Variants in PLA2G4A observed in about 807,000 individuals in gnomAD.
PLA2G4A encodes the protein phospholipase A2 group IVA.
In PLA2G4A, 40 loss-of-function variants were observed where a neutral mutation model predicts 81.9. The observed-to-expected ratio is 0.49, with a 90% CI of 0.38 to 0.64. The LOEUF (loss-of-function observed/expected upper bound fraction) is 0.64, where lower values mean the gene tolerates loss of function less well. Ranked by LOEUF, PLA2G4A falls within the 30% of genes least tolerant of loss-of-function variation. The pLI is 0.00. For missense variants in PLA2G4A, 715 were observed against 905.1 expected (o/e 0.79, Z 2.69); for synonymous variants, 302 against 296.9 (o/e 1.02, Z -0.18).
chr1:186,953,772 C>A (rs1207125405), intron 13 of PLA2G4A, among the ~76,000 whole-genome samples: 1 of 152,082 alleles, frequency 6.6e-6, no homozygotes, highest in Non-Finnish European at 1.5e-5. Flanking sequence ...TTGGGTTTGT[C>A]CCACAAGTGA....
At chr1:186,846,356 G>A (rs928135497) in intron 1 of PLA2G4A, among the ~76,000 whole-genome samples, 2 of 152,008 alleles carry the variant, frequency 1.3e-5, no homozygotes, top group Non-Finnish European at 2.9e-5. Flanking sequence ...GGAGGTCTTT[G>A]TTTCTTCCCT....
intron 2 of PLA2G4A, among the ~76,000 whole-genome samples, chr1:186,869,443 T>C (rs189068373): frequency 1.1e-4 from 16 of 152,326 alleles, no homozygotes; most frequent in Admixed American, 9.8e-4. Context: ...TAAATTGAAA[T>C]ATTAATTACA....
At chr1:186,860,211 TATTA>T (rs1318780146) in intron 2 of PLA2G4A, among the ~76,000 whole-genome samples, 1 of 152,174 alleles carries the variant, frequency 6.6e-6, no homozygotes, top group African/African-American at 2.4e-5. Flanking sequence ...GATATTAATT[TATTA>T]ATTTATTATG....
chr1:186,937,580 G>A (rs1041023163), intron 8 of PLA2G4A, among the ~76,000 whole-genome samples: 1 of 151,172 alleles, frequency 6.6e-6, no homozygotes, highest in African/African-American at 2.4e-5. Context: ...TTCTGCACAT[G>A]TGATCCATTG....
chr1:186,988,496 A>T lies in PLA2G4A; in HGVS notation c.2238A>T (p.Lys746Asn). Residue 746 changes from lysine (K) to asparagine (N), a missense_variant, in exon 18 of 18, where the codon AAA (lysine) becomes AAT (asparagine). Lys to Asn is a moderately conservative substitution (Grantham distance 94, BLOSUM62 0). Coordinates refer to ENST00000367466, the MANE Select transcript of PLA2G4A (RefSeq NM_024420.3). Reference sequence around the variant, plus strand: ...TTTTCAACAAGGAGTTTCTAAGTAAACCCAAAGCATAGTTCATGTACTGGA... The same window carrying T: ...TTTTCAACAAGGAGTTTCTAAGTAATCCCAAAGCATAGTTCATGTACTGGA... ...RRFFNKEFLS[K>N]PKA The T allele has an allele frequency of 6.2e-7, 1 of 1,612,008 alleles. No individual in the cohort carries two copies. Among genetic ancestry groups the T allele is most frequent in the Non-Finnish European group, 8.5e-7 (1 of 1,178,680 alleles).
At chr1:186,837,755 A>AAAAAAAAAAAAG (rs1553267329) in intron 1 of PLA2G4A, among the ~76,000 whole-genome samples, 5 of 147,430 alleles carry the variant, frequency 3.4e-5, no homozygotes, top group African/African-American at 1.3e-4. Context: ...AAAAAAAAGA[A>AAAAAAAAAAAAG]AAAGAAAAGA....
rs1031519252 is a variant in PLA2G4A, at chr1:186,912,731, CATATATATACATATATATGT to C, written c.558+1356_558+1375del. ...TCATATATATGTATATTTATATATACATATATATACATATATATGTATATATATACATAAGTATATATATA... is the reference window on the plus strand; with the variant it reads ...TCATATATATGTATATTTATATATACATATATATACATAAGTATATATATA... On this transcript the variant is annotated intron_variant, in intron 7 of 17. Transcript: ENST00000367466. Among the ~76,000 whole-genome samples the C allele has an allele frequency of 2.2e-5, 3 of 138,508 alleles. 1 individual carries two copies. The highest frequency in any genetic ancestry group is 3.0e-5 in the Non-Finnish European group (2 of 65,848). The allele number at this position is 138,508 out of a possible 152,430, so 90.9% of individuals were successfully genotyped here.
At chr1:186,941,096 G>A (rs1656137554) in intron 10 of PLA2G4A, among the ~76,000 whole-genome samples, 2 of 137,946 alleles carry the variant, frequency 1.4e-5, no homozygotes, top group African/African-American at 5.8e-5. Context: ...CGGGGCCATA[G>A]AGCGAGACTC....
Position 186,939,364 on chromosome 1 carries a change from G to A in PLA2G4A, c.918+134G>A, listed in dbSNP as rs560224986. 6.0e-4 allele frequency: 265 copies of A among 442,992 alleles called. 1 individual carries two copies. The highest frequency in any genetic ancestry group is 1.3e-3 in the Admixed American group (35 of 26,686). The allele number at this position is 442,992 out of a possible 1,614,324, so 27.4% of individuals were successfully genotyped here. On this transcript the variant is annotated intron_variant, in intron 9 of 17. Transcript: ENST00000367466. ...ACTCTACTTATTTGTCCAACTATGC[G>A]TACTGAGCCCATTCTCCCCACCAGA... is the stretch of plus-strand genomic sequence containing the variant.
At chr1:186,933,382 T>C (rs575063916) in intron 8 of PLA2G4A, among the ~76,000 whole-genome samples, 118 of 152,296 alleles carry the variant, frequency 7.7e-4, no homozygotes, top group Admixed American at 2.6e-3. Context: ...TATAGAAATA[T>C]AATATATTTC....
chr1:186,957,840 C>A (rs1453587505), intron 14 of PLA2G4A, among the ~76,000 whole-genome samples: 3 of 152,154 alleles, frequency 2.0e-5, no homozygotes, highest in African/African-American at 7.2e-5. Context: ...ATAATTCTGT[C>A]ATTTTAAATT....
At chr1:186,946,080 C>T (rs1193405463) in intron 10 of PLA2G4A, among the ~76,000 whole-genome samples, 3 of 152,092 alleles carry the variant, frequency 2.0e-5, no homozygotes, top group Non-Finnish European at 2.9e-5. Flanking sequence ...AGAGCCCCCG[C>T]GCTTAGACAG....
chr1:186,893,870 G>A (rs1200683511), intron 4 of PLA2G4A, among the ~76,000 whole-genome samples: 5 of 147,016 alleles, frequency 3.4e-5, no homozygotes, highest in Non-Finnish European at 1.5e-5. Context: ...GTTGCAGTGA[G>A]CCGAGATCCC....
At chr1:186,948,822 G>A (rs148793017) in intron 12 of PLA2G4A, among the ~76,000 whole-genome samples, 1 of 152,254 alleles carries the variant, frequency 6.6e-6, no homozygotes, top group East Asian at 1.9e-4. Context: ...TCGTGTATGT[G>A]TGATCCGCCA....
intron 12 of PLA2G4A, 151 bp downstream of exon 12, chr1:186,947,112 AAAT>A (rs1557887009): frequency 3.3e-6 from 2 of 601,190 alleles, no homozygotes; most frequent in Non-Finnish European, 5.9e-6. Context: ...TATTTCCTAA[AAAT>A]AATATGTTAC....
chr1:186,876,117 A>G (rs1259009370), intron 3 of PLA2G4A, among the ~76,000 whole-genome samples: 1 of 152,142 alleles, frequency 6.6e-6, no homozygotes, highest in Non-Finnish European at 1.5e-5. Flanking sequence ...TGTGTTGTCT[A>G]GGATGAGTCA....
chr1:186,862,805 C>T (rs1310980462), intron 2 of PLA2G4A, among the ~76,000 whole-genome samples: 1 of 152,146 alleles, frequency 6.6e-6, no homozygotes, highest in Non-Finnish European at 1.5e-5. Flanking sequence ...GTACATGCTA[C>T]TTCATGTGTT....
intron 6 of PLA2G4A, among the ~76,000 whole-genome samples, chr1:186,909,466 G>C (rs1239846222): frequency 1.3e-5 from 2 of 150,868 alleles, no homozygotes; most frequent in African/African-American, 4.9e-5. Flanking sequence ...TTCCAGACCA[G>C]GTTGACCAAC....
intron 2 of PLA2G4A, among the ~76,000 whole-genome samples, chr1:186,866,365 A>G (rs1653030179): frequency 6.6e-6 from 1 of 152,210 alleles, no homozygotes; most frequent in Non-Finnish European, 1.5e-5. Flanking sequence ...GCACAGACAC[A>G]GAACAGCAAG....
Sources: allele counts gnomAD v4.1 joint callset (sites outside exome capture counted in the v4.1 genomes callset), GRCh38; gene constraint gnomAD v4.1.1; transcripts MANE v1.5; gene names NCBI Gene and HGNC (gene_info 2026-07-23, HGNC 2026-07-21).